DARS1: variants seen among roughly 807,000 people sequenced by gnomAD.
DARS1 encodes the protein aspartate--tRNA ligase, cytoplasmic.
Under a neutral mutation model 68.8 loss-of-function variants are expected in DARS1, and 51 were observed. That is an observed-to-expected ratio of 0.74 (90% CI 0.59 to 0.94). The LOEUF (loss-of-function observed/expected upper bound fraction) is 0.94, where lower values mean the gene tolerates loss of function less well. Among genes scored for constraint, DARS1 ranks in the 40% least tolerant of loss-of-function variants. The probability of loss-of-function intolerance (pLI) is 0.00; values close to 1 mark genes in which losing one functional copy is unlikely to be tolerated. For synonymous variants in DARS1, 203 were observed against 190.4 expected (o/e 1.07, Z -0.55); for missense variants, 607 against 597.3 (o/e 1.02, Z -0.17).
intron 11 of DARS1, among the ~76,000 whole-genome samples, chr2:135,915,592 C>T (rs1372267209): frequency 6.6e-6 from 1 of 152,060 alleles, no homozygotes; most frequent in Admixed American, 6.6e-5. Flanking sequence ...CAGCCTCAAT[C>T]TTTATTAAAC....
At chr2:135,969,474 A>AT (rs2104840931) in intron 3 of DARS1, among the ~76,000 whole-genome samples, 1 of 152,278 alleles carries the variant, frequency 6.6e-6, no homozygotes, top group South Asian at 2.1e-4. Context: ...TCTTTTAAAG[A>AT]TTCGTGTGCA....
intron 4 of DARS1, among the ~76,000 whole-genome samples, chr2:135,953,307 A>G (rs372186542): frequency 2.3e-4 from 35 of 152,366 alleles, no homozygotes; most frequent in African/African-American, 7.2e-4. Flanking sequence ...GTTAAGGAAC[A>G]GTATTAGTTA....
chr2:135,915,095 C>CAT (rs1204634172), intron 11 of DARS1, among the ~76,000 whole-genome samples: 8 of 151,306 alleles, frequency 5.3e-5, no homozygotes, highest in South Asian at 2.1e-4. Flanking sequence ...TATTTAAAGC[C>CAT]ATATATATAT....
intron 3 of DARS1, among the ~76,000 whole-genome samples, chr2:135,973,843 G>A (rs1384245957): frequency 6.6e-6 from 1 of 152,040 alleles, no homozygotes; most frequent in Non-Finnish European, 1.5e-5. Flanking sequence ...GCCAGCCTGG[G>A]CCATACTTGT....
At chr2:135,924,726 GAGC>G (rs1681178498) in intron 7 of DARS1, among the ~76,000 whole-genome samples, 2 of 152,204 alleles carry the variant, frequency 1.3e-5, no homozygotes, top group South Asian at 4.1e-4. Flanking sequence ...AATCCTTAGT[GAGC>G]AGATGTTTTA....
Position 135,911,187 on chromosome 2 carries a change from T to G in DARS1, c.1366A>C (p.Ile456Leu). ...GGGGCTCCAAAGCGGAAGGAATCAA[T>G]GTAAGCCTTAATTTTCTCCAAATCT... ...GIDLEKIKAY[I>L]DSFRFGAPPH... is the part of the protein sequence containing the mutation. Residue 456 changes from isoleucine to leucine, a missense_variant, in exon 15 of 16, where the codon ATT becomes CTT. Coordinates refer to ENST00000264161, the MANE Select transcript of DARS1 (RefSeq NM_001349.4). 6.5e-7 allele frequency: 1 copy of G among 1,544,894 alleles called. No individual in the cohort carries two copies. Among genetic ancestry groups the G allele is most frequent in the Non-Finnish European group, 8.9e-7 (1 of 1,117,494 alleles).
At chr2:135,940,640 G>A (rs1314599792) in intron 5 of DARS1, among the ~76,000 whole-genome samples, 3 of 152,154 alleles carry the variant, frequency 2.0e-5, no homozygotes, top group Non-Finnish European at 2.9e-5. Context: ...ATTCAACACA[G>A]TGTTGGAAGT....
chr2:135,956,326 G>A (rs1681975667), intron 4 of DARS1, among the ~76,000 whole-genome samples: 1 of 152,180 alleles, frequency 6.6e-6, no homozygotes, highest in Non-Finnish European at 1.5e-5. Flanking sequence ...TAGAGTCAGT[G>A]GATGGAAAAT....
At chr2:135,913,377 A>C (rs1680937184) in intron 12 of DARS1, among the ~76,000 whole-genome samples, 1 of 152,196 alleles carries the variant, frequency 6.6e-6, no homozygotes, top group African/African-American at 2.4e-5. Context: ...GCTACAACTG[A>C]AAGAAATAAA....
At chr2:135,977,860 C>T (rs994372613) in intron 3 of DARS1, among the ~76,000 whole-genome samples, 7 of 151,822 alleles carry the variant, frequency 4.6e-5, no homozygotes, top group Admixed American at 2.6e-4. Context: ...AATGCTCTAT[C>T]GGCTGGGTGC....
chr2:135,954,325 C>CAAAAAAAA (rs1172207033), intron 4 of DARS1, among the ~76,000 whole-genome samples: 2 of 81,470 alleles, frequency 2.5e-5, no homozygotes, highest in African/African-American at 4.7e-5. Context: ...AAAACAAAAC[C>CAAAAAAAA]AAAAAAAAAA....
chr2:135,937,580 T>C (rs998667797), intron 5 of DARS1, among the ~76,000 whole-genome samples: 22 of 152,346 alleles, frequency 1.4e-4, no homozygotes, highest in Middle Eastern at 3.4e-3. Context: ...AGTTTCTTCC[T>C]AGCATCGACG....
intron 5 of DARS1, among the ~76,000 whole-genome samples, chr2:135,942,335 T>C (rs1042686103): frequency 7.2e-5 from 11 of 151,948 alleles, no homozygotes; most frequent in African/African-American, 2.7e-4. Context: ...TAAAAAAGGA[T>C]GAGTTCATGT....
intron 6 of DARS1, 127 bp from the exon 7 acceptor site, chr2:135,932,969 G>A (rs754742733): frequency 1.8e-4 from 98 of 555,280 alleles, no homozygotes; most frequent in Middle Eastern, 4.8e-4. Flanking sequence ...TATTATGCCC[G>A]AAAATCAGAT....
At chr2:135,938,196 C>T (rs897558845) in intron 5 of DARS1, among the ~76,000 whole-genome samples, 1 of 152,158 alleles carries the variant, frequency 6.6e-6, no homozygotes, top group Non-Finnish European at 1.5e-5. Context: ...TCTTTTTACT[C>T]TTTTTTCTCT....
intron 3 of DARS1, among the ~76,000 whole-genome samples, chr2:135,969,786 G>A (rs1304919719): frequency 2.0e-5 from 3 of 152,058 alleles, no homozygotes; most frequent in East Asian, 1.9e-4. Context: ...CTGAATTAGG[G>A]CATACTGAAT....
chr2:135,955,466 T>C (rs1008108240), intron 4 of DARS1, among the ~76,000 whole-genome samples: 4 of 152,172 alleles, frequency 2.6e-5, no homozygotes, highest in African/African-American at 7.2e-5. Context: ...CATAAAGTTG[T>C]CACACACCAG....
chr2:135,979,252 T>C (rs1279190199), intron 3 of DARS1, 22 bp downstream of exon 3: 1 of 1,011,784 alleles, frequency 9.9e-7, no homozygotes, highest in Non-Finnish European at 1.6e-6. Flanking sequence ...CGAAAGAGCT[T>C]TAATAATGAA....
At chr2:135,981,487 G>A (rs1390621174) in intron 2 of DARS1, among the ~76,000 whole-genome samples, 3 of 152,060 alleles carry the variant, frequency 2.0e-5, no homozygotes, top group South Asian at 2.1e-4. Flanking sequence ...GATGCTCATC[G>A]GAGGATTTTG....
Sources: gnomAD v4.1 joint callset for allele counts (sites outside exome capture counted in the v4.1 genomes callset) on GRCh38, gnomAD v4.1.1 for gene constraint, MANE v1.5 for transcripts, NCBI Gene and HGNC (gene_info 2026-07-23, HGNC 2026-07-21) for gene names.